LRRFIP2: variants seen among roughly 807,000 people sequenced by gnomAD.
The protein encoded by LRRFIP2 is leucine-rich repeat flightless-interacting protein 2.
A neutral mutation model predicts 125.9 loss-of-function variants in LRRFIP2; 109 were observed. That is an observed-to-expected ratio of 0.87 (90% CI 0.74 to 1.01). The LOEUF (loss-of-function observed/expected upper bound fraction) is 1.01. LRRFIP2 is among the 50% of genes least tolerant of loss of function. The pLI is 0.00. For synonymous variants in LRRFIP2, 291 were observed against 293.1 expected (o/e 0.99, Z 0.07); for missense variants, 850 against 862.3 (o/e 0.99, Z 0.18).
At chr3:37,124,149 T>C (rs753670006) in intron 4 of LRRFIP2, among the ~76,000 whole-genome samples, 15 of 152,204 alleles carry the variant, frequency 9.9e-5, no homozygotes, top group Admixed American at 5.9e-4. Context: ...TTTGTGCTAA[T>C]GTAGTACCCA....
intron 25 of LRRFIP2, among the ~76,000 whole-genome samples, chr3:37,057,408 A>G (rs773753061): frequency 5.3e-5 from 8 of 152,178 alleles, no homozygotes; most frequent in Non-Finnish European, 8.8e-5. Context: ...CCAACACCAA[A>G]ATGACATTCT....
intron 1 of LRRFIP2, among the ~76,000 whole-genome samples, chr3:37,163,587 G>A (rs1401691249): frequency 1.3e-5 from 2 of 152,186 alleles, no homozygotes; most frequent in Non-Finnish European, 2.9e-5. Context: ...CCACCACTCT[G>A]TCACTGCTTT....
chr3:37,110,613 T>A (rs919268461), intron 9 of LRRFIP2, among the ~76,000 whole-genome samples: 1 of 152,184 alleles, frequency 6.6e-6, no homozygotes, highest in African/African-American at 2.4e-5. Flanking sequence ...ACAACTTATT[T>A]TGAAATGTAT....
At chr3:37,167,002 C>T (rs746913070) in intron 1 of LRRFIP2, among the ~76,000 whole-genome samples, 6 of 149,208 alleles carry the variant, frequency 4.0e-5, no homozygotes, top group South Asian at 2.1e-4. Flanking sequence ...GCAACAAGGG[C>T]GAAACTCTGT....
At chr3:37,164,581 C>A (rs920512843) in intron 1 of LRRFIP2, among the ~76,000 whole-genome samples, 1 of 151,858 alleles carries the variant, frequency 6.6e-6, no homozygotes. Flanking sequence ...GCCAGGCATG[C>A]ATGGTGGCAG....
chr3:37,113,205 G>A (rs1458769311), intron 7 of LRRFIP2, among the ~76,000 whole-genome samples: 2 of 152,168 alleles, frequency 1.3e-5, no homozygotes, highest in East Asian at 3.8e-4. Context: ...TCTGTGCCAA[G>A]CATCTGTGTG....
Position 37,148,967 on chromosome 3 carries a change from G to A in LRRFIP2, c.17C>T (p.Ser6Phe). 6.2e-7 allele frequency: 1 copy of A among 1,613,980 alleles called. No homozygotes were observed. The highest frequency in any genetic ancestry group is 8.5e-7 in the Non-Finnish European group (1 of 1,179,936). MGTPA[S>F]GRKRTPVKDR... ...TTTCACAGGTGTTCTTTTCCTTCCA[G>A]AAGCAGGAGTCCCCATCTTGTGTTC... Residue 6 changes from serine to phenylalanine, a missense_variant, in exon 2 of 28, where the codon TCT becomes TTT. Physicochemically the swap from Ser to Phe is radical, Grantham distance 155. Transcript: ENST00000336686.
intron 19 of LRRFIP2, among the ~76,000 whole-genome samples, chr3:37,077,256 A>G (rs1303566341): frequency 6.6e-6 from 1 of 152,206 alleles, no homozygotes; most frequent in Non-Finnish European, 1.5e-5. Flanking sequence ...TATTTTTAAC[A>G]GCAAAACATG....
chr3:37,108,996 A>G (rs1420858995), intron 11 of LRRFIP2, among the ~76,000 whole-genome samples: 2 of 152,194 alleles, frequency 1.3e-5, no homozygotes, highest in African/African-American at 4.8e-5. Context: ...AAGGAAACTG[A>G]GGTACAAAGA....
In LRRFIP2 at chr3:37,054,437, C is replaced by T. The variant is rs1172542798; in HGVS notation, c.2029G>A (p.Ala677Thr). 2.5e-6 allele frequency: 4 copies of T among 1,613,734 alleles called. 1 individual carries two copies. In the African/African-American group the frequency reaches 5.3e-5, roughly 22 times the overall value. ...TCTCGTTGTAGCTTCCGTTTTTCTGCTTTCAATTCATCTTCAACTTTCTCA... is the reference window on the plus strand; with the variant it reads ...TCTCGTTGTAGCTTCCGTTTTTCTGTTTTCAATTCATCTTCAACTTTCTCA... Reference protein sequence around the residue: ...NAEKVEDELKAEKRKLQRELR... With the variant: ...NAEKVEDELKTEKRKLQRELR... The change falls in exon 27 of 28, where the codon GCA (alanine) becomes ACA (threonine). Residue 677 changes from alanine to threonine, a missense_variant. Physicochemically the swap from Ala to Thr is moderately conservative, Grantham distance 58. Coordinates refer to ENST00000336686, the MANE Select transcript of LRRFIP2 (RefSeq NM_006309.4).
chr3:37,116,879 T>A (rs2094813885), intron 6 of LRRFIP2, among the ~76,000 whole-genome samples: 1 of 152,138 alleles, frequency 6.6e-6, no homozygotes, highest in African/African-American at 2.4e-5. Flanking sequence ...ACCAATTTTA[T>A]TGGAGCAAAA....
At chr3:37,106,906 A>ATTTTTTT (rs34377493) in intron 13 of LRRFIP2, among the ~76,000 whole-genome samples, 1 of 144,556 alleles carries the variant, frequency 6.9e-6, no homozygotes, top group Non-Finnish European at 1.5e-5. Context: ...GGAAATGACT[A>ATTTTTTT]TTTTTTTTTT....
At chr3:37,132,866 T>C (rs1315871051) in intron 2 of LRRFIP2, among the ~76,000 whole-genome samples, 1 of 152,224 alleles carries the variant, frequency 6.6e-6, no homozygotes, top group Non-Finnish European at 1.5e-5. Flanking sequence ...TTCATTTTAA[T>C]ATACACCTCA....
At chr3:37,088,079 G>A (rs1185025530) in intron 18 of LRRFIP2, among the ~76,000 whole-genome samples, 1 of 152,196 alleles carries the variant, frequency 6.6e-6, no homozygotes, top group Non-Finnish European at 1.5e-5. Flanking sequence ...ACACCAAAGT[G>A]CTGAAGCCAC....
chr3:37,114,951 G>T, intron 7 of LRRFIP2, 103 bp downstream of exon 7: 1 of 920,824 alleles, frequency 1.1e-6, no homozygotes, highest in Non-Finnish European at 1.7e-6. Flanking sequence ...TTCCCCAAAA[G>T]TTCATAACAA....
In LRRFIP2 at chr3:37,108,791, A is replaced by G. The variant is rs976371507; in HGVS notation, c.610-107T>C. ...TACCAAAAAAGTTTTGGAGAATGAT[A>G]TAAGTGTATAGCCTCCCAGAATGAA... is the stretch of plus-strand genomic sequence containing the variant. On this transcript the variant is annotated intron_variant, in intron 11 of 27. Coordinates refer to ENST00000336686, the MANE Select transcript of LRRFIP2 (RefSeq NM_006309.4). The G allele has an allele frequency of 2.1e-5, 17 of 827,764 alleles. 1 individual carries two copies. Among genetic ancestry groups the G allele is most frequent in the Middle Eastern group, 4.6e-4 (2 of 4,330 alleles). The allele number at this position is 827,764 out of a possible 1,614,324, so 51.3% of individuals were successfully genotyped here.
chr3:37,107,673 C>G (rs760876305), intron 13 of LRRFIP2, among the ~76,000 whole-genome samples: 17 of 152,030 alleles, frequency 1.1e-4, no homozygotes, highest in South Asian at 8.3e-4. Context: ...ATTTCTTCTC[C>G]TTTCACTGCA....
At chr3:37,109,726 A>G (rs761526907) in intron 9 of LRRFIP2, 23 bp from the exon 10 acceptor site, 1 of 1,610,696 alleles carries the variant, frequency 6.2e-7, no homozygotes, top group South Asian at 1.1e-5. Context: ...AACAAAATAA[A>G]TAAGCAAAAA....
At chr3:37,055,186 G>T in intron 25 of LRRFIP2, 21 bp from the exon 26 acceptor site, 1 of 1,432,414 alleles carries the variant, frequency 7.0e-7, no homozygotes, top group Non-Finnish European at 9.6e-7. Flanking sequence ...AGAAGACAAT[G>T]AATTATCTTC....
Sources: gnomAD v4.1 joint callset for allele counts (sites outside exome capture counted in the v4.1 genomes callset) on GRCh38, gnomAD v4.1.1 for gene constraint, MANE v1.5 for transcripts, NCBI Gene and HGNC (gene_info 2026-07-23, HGNC 2026-07-21) for gene names.